Variants in RAPGEF2 observed in about 807,000 individuals in gnomAD.
RAPGEF2 encodes the protein PDZ domain containing guanine nucleotide exchange factor (GEF) 1.
RAPGEF2 carries 54 observed loss-of-function variants against 186.7 expected under a neutral mutation model. The ratio of observed to expected loss-of-function variants is 0.29; its 90% confidence interval spans 0.23 to 0.36. The LOEUF is 0.36. RAPGEF2 is among the 10% of genes least tolerant of loss of function. RAPGEF2 has a pLI of 1.00. For synonymous variants in RAPGEF2, 712 were observed against 705.9 expected (o/e 1.01, Z -0.14); for missense variants, 1,532 against 2,045.0 (o/e 0.75, Z 4.84).
In RAPGEF2 at chr4:159,358,147, A is replaced by G; in HGVS notation, c.*8A>G. 6.2e-7 allele frequency: 1 copy of G among 1,611,160 alleles called. No homozygotes were observed. The highest frequency in any genetic ancestry group is 8.5e-7 in the Non-Finnish European group (1 of 1,178,722). On this transcript the variant is annotated 3_prime_UTR_variant, in exon 30 of 30. Transcript: ENST00000691494. ...CAAGTTTCTGCTGTTTGAGGCACAGACTTTTCTGGAAGCAGAGCGAGCCAC... is the reference window on the plus strand; with the variant it reads ...CAAGTTTCTGCTGTTTGAGGCACAGGCTTTTCTGGAAGCAGAGCGAGCCAC...
intron 7 of RAPGEF2, among the ~76,000 whole-genome samples, chr4:159,261,868 T>G (rs73859111): frequency 0.02 from 2,997 of 152,284 alleles, 122 homozygotes; most frequent in African/African-American, 0.068. Flanking sequence ...TAAGCCTGAT[T>G]CTCCCCATCC....
In RAPGEF2 at chr4:159,322,777, A is replaced by G. The variant is rs554119857; in HGVS notation, c.990+294A>G. Among the ~76,000 whole-genome samples the G allele has an allele frequency of 7.2e-5, 11 of 152,244 alleles. No individual in the cohort carries two copies. In the East Asian group the frequency reaches 1.2e-3, roughly 16 times the overall value. ...CGGTGAAAGGCACTTCTTACATGGC[A>G]GTGGCAAGAGGAAAAATGAGGAAGA... On this transcript the variant is annotated intron_variant, in intron 10 of 29. Coordinates refer to ENST00000691494, the MANE Select transcript of RAPGEF2 (RefSeq NM_001394067.2).
chr4:159,160,569 G>A (rs1744602164), intron 1 of RAPGEF2, among the ~76,000 whole-genome samples: 2 of 152,238 alleles, frequency 1.3e-5, no homozygotes, highest in Non-Finnish European at 2.9e-5. Flanking sequence ...TTTGAAGAAA[G>A]TCAACTTCAA....
In RAPGEF2 at chr4:159,313,216, A is replaced by G. The variant is rs78410469; in HGVS notation, c.676-1375A>G. Among the ~76,000 whole-genome samples, 713 of 152,368 alleles carry G rather than the reference A, an allele frequency of 4.7e-3. 6 individuals carry two copies. Among genetic ancestry groups the G allele is most frequent in the African/African-American group, 0.016 (672 of 41,594 alleles). ...TATTCTGTAAATATTAAATTATAGG[A>G]AAAGGATAGATCCTTATATAAGCCA... On this transcript the variant is annotated intron_variant, in intron 8 of 29. Coordinates refer to ENST00000691494, the MANE Select transcript of RAPGEF2 (RefSeq NM_001394067.2).
chr4:159,345,428 G>A, intron 24 of RAPGEF2, 99 bp downstream of exon 24: 2 of 1,036,620 alleles, frequency 1.9e-6, no homozygotes, highest in Non-Finnish European at 2.9e-6. Flanking sequence ...TTAGTGCAGA[G>A]GGGGAGCTAG....
At position 159,341,713 on chromosome 4, in the gene RAPGEF2, G is replaced by A. The variant is rs966442389; in HGVS notation, c.2684G>A (p.Arg895His). 6.8e-6 allele frequency: 11 copies of A among 1,613,948 alleles called. No individual in the cohort carries two copies. Among genetic ancestry groups the A allele is most frequent in the East Asian group, 2.2e-5 (1 of 44,862 alleles). The change falls in exon 20 of 30, where the codon CGC becomes CAC. Residue 895 changes from arginine (R) to histidine (H), a missense_variant. By Grantham distance (29) the Arg-to-His change is conservative (BLOSUM62 0). Around this residue, in one of 4 missense-constraint regions of RAPGEF2, gnomAD observed 810 missense variants for 1,210.5 expected, o/e 0.67. Coordinates refer to ENST00000691494, the MANE Select transcript of RAPGEF2 (RefSeq NM_001394067.2). ...TCTATGCGAAATTTTGAACTCTTTC[G>A]CAACATTGAACCTACTGAATATATA... ...QLSMRNFELF[R>H]NIEPTEYIDD...
intron 4 of RAPGEF2, among the ~76,000 whole-genome samples, chr4:159,235,881 TCCAA>T (rs1356977945): frequency 1.3e-5 from 2 of 152,248 alleles, no homozygotes; most frequent in African/African-American, 4.8e-5. Flanking sequence ...GTCTGTTTCT[TCCAA>T]CCTTATAGCT....
chr4:159,315,311 AATTTTT>A (rs756275769), intron 9 of RAPGEF2, among the ~76,000 whole-genome samples: 57 of 147,920 alleles, frequency 3.9e-4, no homozygotes, highest in Non-Finnish European at 7.6e-4. Flanking sequence ...TTTTTTTTTT[AATTTTT>A]ATTTTATGTT....
Position 159,193,230 on chromosome 4 carries a change from A to G in RAPGEF2, c.171A>G (p.Arg57=). The change falls in exon 3 of 30, where the codon AGA becomes AGG. Residue 57 remains arginine, a synonymous_variant. Transcript: ENST00000691494. ...RLMCETVRYE[R]HEANEVLYYP... ...TGTGTGAAACTGTGAGATATGAGAG[A>G]CACGAAGCAAATGAAGTTTTATACT... The G allele has an allele frequency of 6.6e-7, 1 of 1,505,120 alleles. No homozygotes were observed. The highest frequency in any genetic ancestry group is 8.8e-7 in the Non-Finnish European group (1 of 1,131,446). 93.2% of individuals were successfully genotyped at this position (1,505,120 alleles called of 1,614,324 possible). A position where few individuals can be genotyped will look rare whatever the true frequency, so the allele number is the denominator to read the frequency against.
intron 3 of RAPGEF2, among the ~76,000 whole-genome samples, chr4:159,197,624 C>T (rs1748791537): frequency 6.6e-6 from 1 of 152,214 alleles, no homozygotes; most frequent in Non-Finnish European, 1.5e-5. Context: ...TCTTTTAAAG[C>T]ATTTTCATTT....
intron 24 of RAPGEF2, 44 bp downstream of exon 24, chr4:159,345,373 A>T (rs1387469124): frequency 1.3e-6 from 2 of 1,588,704 alleles, no homozygotes; most frequent in Non-Finnish European, 1.7e-6. Flanking sequence ...GCTAGGATGC[A>T]GATTTGTTTC....
rs149049306 is a variant in RAPGEF2 at position 159,280,542 on chromosome 4, T to C, written c.544-23800T>C. ...GAGCACTTCCCTGAAGGAGTTCGTG[T>C]CAAGTGCTGGCTTTATTAGTCACAG... On this transcript the variant is annotated intron_variant, in intron 7 of 29. Transcript: ENST00000691494. 2.9e-3 allele frequency among the ~76,000 whole-genome samples: 445 copies of C among 152,326 alleles called. 1 individual carries two copies. Among genetic ancestry groups the C allele is most frequent in the African/African-American group, 0.01 (417 of 41,564 alleles).
chr4:159,152,878 A>T (rs953328567), intron 1 of RAPGEF2, among the ~76,000 whole-genome samples: 3 of 152,162 alleles, frequency 2.0e-5, no homozygotes, highest in Non-Finnish European at 2.9e-5. Context: ...GGCCTCCCAA[A>T]GTGCTGGGAT....
intron 1 of RAPGEF2, among the ~76,000 whole-genome samples, chr4:159,178,301 G>A (rs1746652230): frequency 6.6e-6 from 1 of 152,146 alleles, no homozygotes; most frequent in South Asian, 2.1e-4. Flanking sequence ...GTATGGGCAG[G>A]CAGTCAGGAG....
intron 25 of RAPGEF2, among the ~76,000 whole-genome samples, chr4:159,348,620 C>A (rs2111308992): frequency 6.6e-6 from 1 of 152,258 alleles, no homozygotes; most frequent in East Asian, 1.9e-4. Flanking sequence ...GAATCCCCTG[C>A]AGTCTGTATC....
intron 8 of RAPGEF2, among the ~76,000 whole-genome samples, chr4:159,305,266 A>G (rs1763143554): frequency 6.6e-6 from 1 of 152,124 alleles, no homozygotes; most frequent in Non-Finnish European, 1.5e-5. Flanking sequence ...ACTGTTTTTC[A>G]TCAAGAGATT....
At chr4:159,136,926 G>A (rs1741782471) in intron 1 of RAPGEF2, among the ~76,000 whole-genome samples, 1 of 152,158 alleles carries the variant, frequency 6.6e-6, no homozygotes, top group African/African-American at 2.4e-5. Flanking sequence ...TGACCACTGT[G>A]AAAAGTGCCA....
Position 159,210,545 on chromosome 4 carries a change from C to A in RAPGEF2, c.243C>A (p.Ser81=). Residue 81 remains serine, a synonymous_variant, in exon 4 of 30, where the codon TCC becomes TCA. Transcript: ENST00000691494. ...GTCWYILLSG[S]VFIKESMFLP... ...GCTGGTATATCCTTCTTTCTGGTTC[C>A]GTGTTCATCAAGGAATCCATGTTTC... 8 of 1,534,516 alleles carry A rather than the reference C, an allele frequency of 5.2e-6. No individual in the cohort carries two copies. The highest frequency in any genetic ancestry group is 4.4e-6 in the Non-Finnish European group (5 of 1,145,698).
In RAPGEF2 at chr4:159,343,067, G is replaced by A. The variant is rs747278824; in HGVS notation, c.3007G>A (p.Asp1003Asn). 1 of 1,614,012 alleles carries A rather than the reference G, an allele frequency of 6.2e-7. No individual in the cohort carries two copies. The highest frequency in any genetic ancestry group is 8.5e-7 in the Non-Finnish European group (1 of 1,179,960). ...KYEKLFQDLQ[D>N]LFDPSRNMAK... Reference sequence around the variant, plus strand: ...CGAAAAACTATTTCAAGATCTCCAAGACCTGTTTGATCCTTCCAGAAACAT... The same window carrying A: ...CGAAAAACTATTTCAAGATCTCCAAAACCTGTTTGATCCTTCCAGAAACAT... The change falls in exon 21 of 30, where the codon GAC becomes AAC. Residue 1003 changes from aspartate to asparagine, a missense_variant. This residue lies in a region of RAPGEF2 where 810 missense variants were observed against 1,210.5 expected (regional missense o/e 0.67). Transcript: ENST00000691494.
Sources: allele counts gnomAD v4.1 joint callset (sites outside exome capture counted in the v4.1 genomes callset), GRCh38; gene constraint gnomAD v4.1.1; regional missense constraint gnomAD v4.1.1; transcripts MANE v1.5; gene names NCBI Gene and HGNC (gene_info 2026-07-23, HGNC 2026-07-21).